Variants in TRPM8 observed in about 807,000 individuals in gnomAD.
The protein encoded by TRPM8 is transient receptor potential cation channel subfamily M member 8, also known as TRPM8 cationic channel.
TRPM8 carries 110 observed loss-of-function variants against 133.7 expected under a neutral mutation model. The observed-to-expected ratio is 0.82, with a 90% CI of 0.70 to 0.96. TRPM8 has a LOEUF of 0.96. Among genes scored for constraint, TRPM8 ranks in the 40% least tolerant of loss-of-function variants. The probability of loss-of-function intolerance (pLI) is 0.00; values close to 1 mark genes in which losing one functional copy is unlikely to be tolerated. For missense variants in TRPM8, 1,291 were observed against 1,379.5 expected (o/e 0.94, Z 1.02); for synonymous variants, 535 against 532.3 (o/e 1.01, Z -0.07).
intron 17 of TRPM8, among the ~76,000 whole-genome samples, chr2:233,975,400 C>T (rs1255080216): frequency 6.6e-6 from 1 of 152,192 alleles, no homozygotes; most frequent in East Asian, 1.9e-4. Context: ...TTCTCTAGGG[C>T]AGAGGGCGCT....
chr2:233,956,423 A>G (rs577188730), intron 11 of TRPM8, among the ~76,000 whole-genome samples: 17 of 152,360 alleles, frequency 1.1e-4, no homozygotes, highest in African/African-American at 3.4e-4. Context: ...GTGTACAACT[A>G]AAGTGCAGTC....
intron 6 of TRPM8, among the ~76,000 whole-genome samples, chr2:233,945,237 C>A (rs191237091): frequency 1.3e-5 from 2 of 152,134 alleles, no homozygotes; most frequent in South Asian, 2.1e-4. Flanking sequence ...GAGTGAGGAA[C>A]CTTTTTGGTA....
intron 20 of TRPM8, among the ~76,000 whole-genome samples, chr2:233,983,554 A>G (rs1211241224): frequency 1.3e-5 from 2 of 152,216 alleles, no homozygotes; most frequent in East Asian, 3.8e-4. Context: ...TCGATGTAAC[A>G]GAGTGGCTGG....
chr2:233,945,975 C>T lies in TRPM8; in HGVS notation c.819C>T (p.Val273=), dbSNP rs200501002. The part of the protein sequence containing the change: ...VDNGCHGHPT[V]EAKLRNQLEK... ...ATGGCTGTCATGGACATCCCACTGTCGAAGCAAAGCTCCGGAATCAGCTAG... is the reference window on the plus strand; with the variant it reads ...ATGGCTGTCATGGACATCCCACTGTTGAAGCAAAGCTCCGGAATCAGCTAG... The change falls in exon 7 of 26, where the codon GTC becomes GTT. Residue 273 remains valine (V), a synonymous_variant. Coordinates refer to ENST00000324695, the MANE Select transcript of TRPM8 (RefSeq NM_024080.5). The T allele has an allele frequency of 6.3e-5, 101 of 1,613,962 alleles. No homozygotes were observed. The highest frequency in any genetic ancestry group is 7.5e-5 in the Non-Finnish European group (89 of 1,180,026).
chr2:233,959,457 C>A (rs1425110288), intron 11 of TRPM8, among the ~76,000 whole-genome samples: 2 of 151,360 alleles, frequency 1.3e-5, no homozygotes, highest in African/African-American at 4.9e-5. Flanking sequence ...CACCTGCCAC[C>A]ACACCTGGCT....
intron 7 of TRPM8, 121 bp from the exon 8 acceptor site, chr2:233,946,967 T>C (rs922653097): frequency 2.5e-6 from 2 of 790,476 alleles, no homozygotes; most frequent in East Asian, 2.7e-5. Context: ...GTCCGTGAGA[T>C]GTGAAGCTAT....
chr2:234,009,933 A>G (rs1692794004), intron 24 of TRPM8, among the ~76,000 whole-genome samples: 1 of 152,178 alleles, frequency 6.6e-6, no homozygotes. Flanking sequence ...GCTAATTAAC[A>G]TCGTATTACT....
At chr2:233,980,325 A>G (rs1691975417) in intron 18 of TRPM8, 46 bp downstream of exon 18, 1 of 1,267,626 alleles carries the variant, frequency 7.9e-7, no homozygotes, top group Non-Finnish European at 1.1e-6. Context: ...TTTTGACTAC[A>G]AAAGTGGAGA....
intron 15 of TRPM8, among the ~76,000 whole-genome samples, chr2:233,967,202 C>T (rs1172686997): frequency 6.6e-6 from 1 of 152,196 alleles, no homozygotes; most frequent in African/African-American, 2.4e-5. Flanking sequence ...CTTTATTTAG[C>T]TATTGCTATT....
intron 3 of TRPM8, among the ~76,000 whole-genome samples, chr2:233,931,310 A>G (rs1017587672): frequency 6.6e-6 from 1 of 152,198 alleles, no homozygotes; most frequent in Non-Finnish European, 1.5e-5. Context: ...CCCTTTGTGT[A>G]GAAGATGCAT....
intron 24 of TRPM8, among the ~76,000 whole-genome samples, chr2:234,008,340 C>T (rs1206897753): frequency 6.6e-6 from 1 of 152,206 alleles, no homozygotes; most frequent in Admixed American, 6.5e-5. Flanking sequence ...TTATCCAACT[C>T]AGGGCCCCCT....
chr2:233,930,655 T>C lies in TRPM8; in HGVS notation c.118-13T>C. ...AAATTAGTAATGTGTTATTCAATGT[T>C]CTCTCTCCAAAGGACTTGGTGAATT... On this transcript the variant is annotated splice_polypyrimidine_tract_variant and intron_variant, in intron 2 of 25. Coordinates refer to ENST00000324695, the MANE Select transcript of TRPM8 (RefSeq NM_024080.5). 1 of 1,576,206 alleles carries C rather than the reference T, an allele frequency of 6.3e-7. No homozygotes were observed. Among genetic ancestry groups the C allele is most frequent in the Non-Finnish European group, 8.7e-7 (1 of 1,148,710 alleles).
chr2:233,966,851 A>T, intron 15 of TRPM8, 96 bp downstream of exon 15: 1 of 1,380,234 alleles, frequency 7.2e-7, no homozygotes, highest in Non-Finnish European at 9.6e-7. Flanking sequence ...AACAAACCTT[A>T]TTCTCCAATA....
At chr2:233,996,707 G>A (rs1342703345) in intron 22 of TRPM8, among the ~76,000 whole-genome samples, 191 bp downstream of exon 22, 1 of 152,240 alleles carries the variant, frequency 6.6e-6, no homozygotes, top group African/African-American at 2.4e-5. Context: ...AGAAAGCACT[G>A]TAGATCTGCC....
Position 233,938,850 on chromosome 2 carries a change from G to A in TRPM8, c.349-148G>A, listed in dbSNP as rs1025351454. ...GGGCCTTGGCACGGCGCCCGCCTGG[G>A]ACCCCCAATGCCGCGATCCCTGCTG... On this transcript the variant is annotated intron_variant, in intron 4 of 25. Coordinates refer to ENST00000324695, the MANE Select transcript of TRPM8 (RefSeq NM_024080.5). 6.2e-6 allele frequency: 5 copies of A among 800,602 alleles called. No homozygotes were observed. The Admixed American group carries it at 1.2e-4, about 19-fold the overall frequency. 49.6% of individuals were successfully genotyped at this position (800,602 alleles called of 1,614,324 possible). A position where few individuals can be genotyped will look rare whatever the true frequency, so the allele number is the denominator to read the frequency against.
chr2:233,992,462 C>T (rs1051147732), intron 21 of TRPM8, among the ~76,000 whole-genome samples: 5 of 152,066 alleles, frequency 3.3e-5, no homozygotes, highest in African/African-American at 1.2e-4. Context: ...TTTTAAGGTA[C>T]TTCTGGACTT....
chr2:234,006,447 G>A lies in TRPM8; in HGVS notation c.3131-406G>A, dbSNP rs142544720. The stretch of plus-strand genomic sequence containing the variant: ...AGAGCTCCTACCCCAGTTTTAGGTT[G>A]AGAGTAAGTACACAATTCATCAGCA... On this transcript the variant is annotated intron_variant, in intron 22 of 25. Transcript: ENST00000324695. Among the ~76,000 whole-genome samples, 22 of 152,324 alleles carry A rather than the reference G, an allele frequency of 1.4e-4. No homozygotes were observed. The East Asian group carries it at 3.3e-3, about 23-fold the overall frequency.
Position 234,017,981 on chromosome 2 carries a change from T to TCTTA in TRPM8, c.*726_*729dup, listed in dbSNP as rs1692997936. The TCTTA allele has an allele frequency of 1.8e-5, 1 of 56,270 alleles. No individual in the cohort carries two copies. The highest frequency in any genetic ancestry group is 4.6e-4 in the South Asian group (1 of 2,168). The allele number at this position is 56,270 out of a possible 1,614,324, so 3.5% of individuals were successfully genotyped here. A position where few individuals can be genotyped will look rare whatever the true frequency, so the allele number is the denominator to read the frequency against. On this transcript the variant is annotated 3_prime_UTR_variant, in exon 26 of 26. Transcript: ENST00000324695. ...TGACTTTGTTCTTATTGGATACTCC[T>TCTTA]CTTATTATTTTTCCATTAAAAATAA...
At chr2:233,960,714 T>G (rs11563212) in intron 11 of TRPM8, 62 bp from the exon 12 acceptor site, 1 of 1,390,958 alleles carries the variant, frequency 7.2e-7, no homozygotes, top group African/African-American at 1.4e-5. Context: ...GAAAAATGCC[T>G]AGTGCTTTCC....
Sources: gnomAD v4.1 joint callset for allele counts (sites outside exome capture counted in the v4.1 genomes callset) on GRCh38, gnomAD v4.1.1 for gene constraint, MANE v1.5 for transcripts, NCBI Gene and HGNC (gene_info 2026-07-23, HGNC 2026-07-21) for gene names.